Variants in RGS6 observed in about 807,000 individuals in gnomAD.
RGS6 encodes the protein regulator of G protein signaling 6, also known as regulator of G-protein signaling 6.
Under a neutral mutation model 78.5 loss-of-function variants are expected in RGS6, and 30 were observed. That is an observed-to-expected ratio of 0.38 (90% CI 0.29 to 0.52). The LOEUF is 0.52. Among genes scored for constraint, RGS6 ranks in the 20% least tolerant of loss-of-function variants. RGS6 has a pLI of 0.85. For synonymous variants in RGS6, 206 were observed against 206.0 expected (o/e 1.00, Z 0.00); for missense variants, 495 against 609.7 (o/e 0.81, Z 1.98).
chr14:71,999,269 C>T (rs1258011774), intron 2 of RGS6, among the ~76,000 whole-genome samples: 1 of 152,186 alleles, frequency 6.6e-6, no homozygotes, highest in Non-Finnish European at 1.5e-5. Flanking sequence ...AGTTCATGTT[C>T]TCCAGGAAAT....
At chr14:72,588,131 G>A in the RGS6 span, among the ~76,000 whole-genome samples, 1 of 152,064 alleles carries the variant, frequency 6.6e-6, no homozygotes, top group Non-Finnish European at 1.5e-5. Context: ...ACACTACCTA[G>A]GGACCCCCAT....
intron 2 of RGS6, among the ~76,000 whole-genome samples, chr14:72,182,533 C>T (rs1339192532): frequency 6.6e-6 from 1 of 152,050 alleles, no homozygotes; most frequent in South Asian, 2.1e-4. Context: ...CTCCGTAGTG[C>T]AACCCAATAG....
chr14:71,976,811 G>A (rs1239663123), intron 2 of RGS6, among the ~76,000 whole-genome samples: 1 of 150,008 alleles, frequency 6.7e-6, no homozygotes, highest in Non-Finnish European at 1.5e-5. Flanking sequence ...GGTATTTCTA[G>A]TTCTAGATCC....
downstream of RGS6, among the ~76,000 whole-genome samples, chr14:72,570,517 A>G (rs2097719042): frequency 6.6e-6 from 1 of 152,244 alleles, no homozygotes. Flanking sequence ...GCAATAGTGA[A>G]TATCAGAGTG....
At chr14:72,148,828 A>G (rs752761086) in intron 2 of RGS6, among the ~76,000 whole-genome samples, 6 of 152,218 alleles carry the variant, frequency 3.9e-5, no homozygotes, top group Non-Finnish European at 7.3e-5. Flanking sequence ...TGGTGTCATA[A>G]AGTAAGCTGT....
intron 2 of RGS6, among the ~76,000 whole-genome samples, chr14:72,300,248 A>G (rs939642018): frequency 4.6e-5 from 7 of 152,090 alleles, no homozygotes; most frequent in African/African-American, 7.2e-5. Context: ...TCCAAACTCT[A>G]TACCCATAAA....
downstream of RGS6, among the ~76,000 whole-genome samples, chr14:72,566,985 A>G (rs1252392293): frequency 6.6e-6 from 1 of 152,122 alleles, no homozygotes; most frequent in East Asian, 1.9e-4. Flanking sequence ...TGCACTTCCC[A>G]CTAACGCCAA....
intron 2 of RGS6, among the ~76,000 whole-genome samples, chr14:72,065,773 T>C (rs982265071): frequency 7.9e-5 from 12 of 152,066 alleles, no homozygotes; most frequent in African/African-American, 2.7e-4. Flanking sequence ...TTTTATTTTA[T>C]TTTATTTTTT....
At chr14:72,175,288 G>A (rs149658) in intron 2 of RGS6, among the ~76,000 whole-genome samples, 111,253 of 151,988 alleles carry the variant, frequency 0.73, 40,843 homozygotes, top group East Asian at 0.91. Flanking sequence ...CATAAGAGAG[G>A]GGAAGCAAAA....
At chr14:72,233,066 G>A (rs893624707) in intron 2 of RGS6, among the ~76,000 whole-genome samples, 18 of 152,208 alleles carry the variant, frequency 1.2e-4, no homozygotes, top group South Asian at 8.3e-4. Context: ...GGAATGGCTT[G>A]TAGACCTGAA....
intron 2 of RGS6, among the ~76,000 whole-genome samples, chr14:72,274,140 A>G (rs2060329706): frequency 6.6e-6 from 1 of 152,188 alleles, no homozygotes; most frequent in African/African-American, 2.4e-5. Flanking sequence ...TAAGGGGTAC[A>G]TTAGATACTC....
At chr14:72,007,850 G>T (rs1355632321) in intron 2 of RGS6, among the ~76,000 whole-genome samples, 1 of 152,172 alleles carries the variant, frequency 6.6e-6, no homozygotes, top group Non-Finnish European at 1.5e-5. Flanking sequence ...GACCCATGGA[G>T]TTGAAAGGGG....
chr14:71,959,316 C>T (rs912619185), intron 1 of RGS6, among the ~76,000 whole-genome samples: 6 of 150,056 alleles, frequency 4.0e-5, no homozygotes, highest in African/African-American at 7.4e-5. Context: ...AAGTGCTTAA[C>T]GTTGCTGATG....
chr14:71,995,092 A>G (rs1342774675), intron 2 of RGS6, among the ~76,000 whole-genome samples: 1 of 152,172 alleles, frequency 6.6e-6, no homozygotes, highest in Admixed American at 6.5e-5. Context: ...GGGCATCTTC[A>G]GCACCAGCAA....
chr14:72,040,738 A>G (rs993095710), intron 2 of RGS6, among the ~76,000 whole-genome samples: 1 of 151,918 alleles, frequency 6.6e-6, no homozygotes, highest in Non-Finnish European at 1.5e-5. Flanking sequence ...GTGTATATTG[A>G]TCTGCTCAAT....
chr14:72,474,659 GA>G lies in RGS6; in HGVS notation c.657del (p.Lys219AsnfsTer5). The G allele has an allele frequency of 1.2e-6, 2 of 1,613,226 alleles. No individual in the cohort carries two copies. The highest frequency in any genetic ancestry group is 1.7e-6 in the Non-Finnish European group (2 of 1,179,672). On this transcript the variant is annotated frameshift_variant, in exon 10 of 18. Transcript: ENST00000553525. LOFTEE classifies it high-confidence loss of function. ...GCVNTTEMDI[R>X]KCRRLKNPQK... ...GTGAACACAACAGAAATGGATATCC[GA>G]AAATGTCGACGTTTGAAGAATCCAC...
the RGS6 span, among the ~76,000 whole-genome samples, chr14:72,580,933 G>A: frequency 6.6e-6 from 1 of 152,214 alleles, no homozygotes; most frequent in African/African-American, 2.4e-5. Context: ...TATTGAGTCA[G>A]GGTCCAGAGT....
intron 2 of RGS6, among the ~76,000 whole-genome samples, chr14:72,346,518 G>C (rs745837630): frequency 4.6e-5 from 7 of 152,194 alleles, no homozygotes; most frequent in Non-Finnish European, 1.0e-4. Flanking sequence ...GCAGAGACAT[G>C]TTCTGTGAGA....
chr14:71,879,235 GTA>G, the RGS6 span, among the ~76,000 whole-genome samples: 6 of 152,268 alleles, frequency 3.9e-5, no homozygotes, highest in African/African-American at 1.4e-4. Context: ...GTTCTTGAAG[GTA>G]TAACAGTTAA....
Sources: allele counts gnomAD v4.1 joint callset (sites outside exome capture counted in the v4.1 genomes callset), GRCh38; gene constraint gnomAD v4.1.1; transcripts MANE v1.5; gene names NCBI Gene and HGNC (gene_info 2026-07-23, HGNC 2026-07-21).